Variants in SLCO3A1 observed in about 807,000 individuals in gnomAD.
SLCO3A1 encodes solute carrier organic anion transporter family member 3A1.
Under a neutral mutation model 63.1 loss-of-function variants are expected in SLCO3A1, and 27 were observed. The observed-to-expected ratio is 0.43, with a 90% confidence interval of 0.32 to 0.59. The LOEUF (loss-of-function observed/expected upper bound fraction) is 0.59, where lower values mean the gene tolerates loss of function less well. Ranked by LOEUF, SLCO3A1 falls within the 20% of genes least tolerant of loss-of-function variation. SLCO3A1 has a pLI of 0.09. For missense variants in SLCO3A1, 773 were observed against 945.8 expected (o/e 0.82, Z 2.40); for synonymous variants, 473 against 409.9 (o/e 1.15, Z -1.86).
At chr15:91,907,487 T>C (rs1898348142) in intron 1 of SLCO3A1, among the ~76,000 whole-genome samples, 1 of 150,588 alleles carries the variant, frequency 6.6e-6, no homozygotes, top group African/African-American at 2.5e-5. Context: ...ATTACAGGCA[T>C]GAGCCACTGT....
intron 6 of SLCO3A1, among the ~76,000 whole-genome samples, chr15:92,127,089 AG>A (rs1405993332): frequency 2.0e-5 from 3 of 152,252 alleles, no homozygotes; most frequent in African/African-American, 7.2e-5. Context: ...AGAGCAGAAC[AG>A]AGGCAGCTTT....
At chr15:92,167,353 A>C (rs1362094068), downstream of SLCO3A1, among the ~76,000 whole-genome samples, 2 of 152,216 alleles carry the variant, frequency 1.3e-5, no homozygotes, top group Non-Finnish European at 1.5e-5. Flanking sequence ...GTTCCCCCTT[A>C]GGTTAGAATC....
intron 3 of SLCO3A1, among the ~76,000 whole-genome samples, chr15:92,099,732 A>G (rs1355776179): frequency 1.3e-5 from 2 of 152,206 alleles, no homozygotes; most frequent in Non-Finnish European, 2.9e-5. Context: ...AGAACAACCC[A>G]GAAGTCAGAT....
intron 7 of SLCO3A1, among the ~76,000 whole-genome samples, chr15:92,135,906 C>A (rs1007434834): frequency 6.6e-6 from 1 of 152,130 alleles, no homozygotes. Flanking sequence ...GGTGGCATGC[C>A]TCTGTAATCC....
chr15:92,123,139 A>T (rs1430966539), intron 5 of SLCO3A1, among the ~76,000 whole-genome samples: 1 of 152,192 alleles, frequency 6.6e-6, no homozygotes, highest in Non-Finnish European at 1.5e-5. Context: ...TAAAAGAAAA[A>T]GTAGGCCAGG....
At chr15:92,146,595 A>T (rs925584696) in intron 7 of SLCO3A1, among the ~76,000 whole-genome samples, 1 of 152,264 alleles carries the variant, frequency 6.6e-6, no homozygotes, top group Admixed American at 6.5e-5. Context: ...CTTCAGTGTA[A>T]TTATAACTGC....
chr15:91,983,902 G>C (rs11635055), intron 2 of SLCO3A1, among the ~76,000 whole-genome samples: 31,395 of 152,074 alleles, frequency 0.21, 3,709 homozygotes, highest in East Asian at 0.34. Context: ...TGATCTAGAA[G>C]CTGCCATCTA....
At chr15:91,881,706 AGCT>A (rs1897592436) in intron 1 of SLCO3A1, among the ~76,000 whole-genome samples, 1 of 152,144 alleles carries the variant, frequency 6.6e-6, no homozygotes, top group South Asian at 2.1e-4. Context: ...TTTCTGTCGG[AGCT>A]CAGTGGAGAA....
At chr15:91,871,661 C>G (rs9806316) in intron 1 of SLCO3A1, among the ~76,000 whole-genome samples, 7,607 of 151,872 alleles carry the variant, frequency 0.05, 616 homozygotes, top group African/African-American at 0.17. Flanking sequence ...GTGTTTGACT[C>G]AGGGCTCTGA....
chr15:92,033,241 T>G lies in SLCO3A1; in HGVS notation c.647-61640T>G, dbSNP rs1351401966. On this transcript the variant is annotated intron_variant, in intron 2 of 9. Transcript: ENST00000318445. The surrounding 1 kb of genome is among the most constrained non-coding windows in gnomAD (Gnocchi z 4.5). The stretch of plus-strand genomic sequence containing the variant: ...ATGTATTGATTAGAAAAGAGTCAAG[T>G]TGAAGGAGATTTCTGAGCATATTGT... Among the ~76,000 whole-genome samples, 1 of 152,200 alleles carries G rather than the reference T, an allele frequency of 6.6e-6. No homozygotes were observed. Among genetic ancestry groups the G allele is most frequent in the African/African-American group, 2.4e-5 (1 of 41,446 alleles).
chr15:92,133,155 C>G lies in SLCO3A1; in HGVS notation c.1512+4666C>G, dbSNP rs916436894. On this transcript the variant is annotated intron_variant, in intron 7 of 9. Transcript: ENST00000318445. ...CAGATGCCACCCCTGCCCTCCCCAGCCACAAGTTCCGACAACTGTAAATGT... is the reference window on the plus strand; with the variant it reads ...CAGATGCCACCCCTGCCCTCCCCAGGCACAAGTTCCGACAACTGTAAATGT... Among the ~76,000 whole-genome samples the G allele has an allele frequency of 4.1e-5, 6 of 146,032 alleles. 1 individual carries two copies. The highest frequency in any genetic ancestry group is 9.2e-5 in the Non-Finnish European group (6 of 65,168).
intron 2 of SLCO3A1, among the ~76,000 whole-genome samples, chr15:91,988,513 G>T (rs893319341): frequency 1.3e-5 from 2 of 151,258 alleles, no homozygotes; most frequent in Non-Finnish European, 3.0e-5. Context: ...TACATGGGAT[G>T]GTTCAGCATG....
Position 92,163,336 on chromosome 15 carries a change from A to T in SLCO3A1, c.*201A>T. On this transcript the variant is annotated 3_prime_UTR_variant, in exon 10 of 10. Coordinates refer to ENST00000318445, the MANE Select transcript of SLCO3A1 (RefSeq NM_013272.4). ...GGATTCAGAATAAGGAGAGAATGAC[A>T]TCGTGCGGCAGGGTCCTGGAGGCCA... 7 of 1,223,476 alleles carry T rather than the reference A, an allele frequency of 5.7e-6. No homozygotes were observed. The highest frequency in any genetic ancestry group is 7.1e-6 in the Non-Finnish European group (7 of 983,268). 75.8% of individuals were successfully genotyped at this position (1,223,476 alleles called of 1,614,324 possible).
chr15:92,013,477 G>T (rs2046392039), intron 2 of SLCO3A1, among the ~76,000 whole-genome samples: 1 of 152,176 alleles, frequency 6.6e-6, no homozygotes, highest in South Asian at 2.1e-4. Context: ...GTGGCAGAAG[G>T]TGACATGAGA....
chr15:91,928,715 A>T (rs1377210713), intron 2 of SLCO3A1, among the ~76,000 whole-genome samples: 1 of 152,196 alleles, frequency 6.6e-6, no homozygotes, highest in East Asian at 1.9e-4. Flanking sequence ...GGTCTGGGGT[A>T]TTCAGGGCCT....
chr15:91,982,659 A>C (rs568816076), intron 2 of SLCO3A1, among the ~76,000 whole-genome samples: 1 of 152,350 alleles, frequency 6.6e-6, no homozygotes, highest in African/African-American at 2.4e-5. Context: ...TCACTGCTCT[A>C]GAGTTTAATA....
At chr15:91,995,794 C>A (rs2046184965) in intron 2 of SLCO3A1, among the ~76,000 whole-genome samples, 1 of 133,440 alleles carries the variant, frequency 7.5e-6, no homozygotes, top group South Asian at 2.5e-4. Context: ...AAAAAAAGTT[C>A]ATAAAGTATA....
intron 2 of SLCO3A1, among the ~76,000 whole-genome samples, chr15:92,034,898 C>G (rs1051060953): frequency 6.6e-6 from 1 of 151,978 alleles, no homozygotes; most frequent in Non-Finnish European, 1.5e-5. Context: ...TCGCTGATTT[C>G]CTGTTTAATC....
intron 7 of SLCO3A1, among the ~76,000 whole-genome samples, chr15:92,136,710 G>A (rs1438867464): frequency 6.6e-6 from 1 of 152,160 alleles, no homozygotes; most frequent in Non-Finnish European, 1.5e-5. Context: ...GAGGATATGA[G>A]GGACTCTCCC....
Sources: gnomAD v4.1 joint callset for allele counts (sites outside exome capture counted in the v4.1 genomes callset) on GRCh38, gnomAD v4.1.1 for gene constraint, Gnocchi (gnomAD v3.1) non-coding constraint, MANE v1.5 for transcripts, NCBI Gene and HGNC (gene_info 2026-07-23, HGNC 2026-07-21) for gene names.